The following ZNF672 variants were observed in gnomAD, a reference collection of about 807,000 sequenced individuals.
ZNF672 encodes the protein hypothetical protein FLJ22301.
For missense variants in ZNF672, 733 were observed against 701.1 expected (o/e 1.05, Z -0.51); for synonymous variants, 358 against 305.6 (o/e 1.17, Z -1.79).
Position 248,847,219 on chromosome 1 carries a change from C to G in ZNF672, c.-56C>G. The G allele has an allele frequency of 5.8e-6, 9 of 1,562,224 alleles. No homozygotes were observed. The highest frequency in any genetic ancestry group is 1.2e-5 in the South Asian group (1 of 84,552). ...GAGAAGTAAAACTTAGCTGCAGCGTCAGGAGGTGGACCCCAGAGTGTGAGT... is the reference window on the plus strand; with the variant it reads ...GAGAAGTAAAACTTAGCTGCAGCGTGAGGAGGTGGACCCCAGAGTGTGAGT... On this transcript the variant is annotated 5_prime_UTR_variant, in exon 4 of 4. Transcript: ENST00000306562.
Position 248,847,326 on chromosome 1 carries a change from G to C in ZNF672, c.52G>C (p.Glu18Gln). 6.2e-7 allele frequency: 1 copy of C among 1,610,968 alleles called. No homozygotes were observed. Among genetic ancestry groups the C allele is most frequent in the Non-Finnish European group, 8.5e-7 (1 of 1,177,354 alleles). Residue 18 changes from glutamate to glutamine, a missense_variant, in exon 4 of 4, where the codon GAA (glutamate) becomes CAA (glutamine). Glu to Gln is a conservative substitution (Grantham distance 29). Coordinates refer to ENST00000306562, the MANE Select transcript of ZNF672 (RefSeq NM_024836.3). ...VAAGKPYSCS[E>Q]CGKSFCYSSV... ...AGCGGGGAAGCCTTACTCGTGCAGC[G>C]AATGTGGCAAGAGCTTCTGCTACAG...
At chr1:248,841,315 A>G (rs1366512669) in intron 1 of ZNF672, among the ~76,000 whole-genome samples, 1 of 152,164 alleles carries the variant, frequency 6.6e-6, no homozygotes, top group Admixed American at 6.5e-5. Flanking sequence ...GGTGTGAAAG[A>G]CCTTATAGTC....
chr1:248,841,525 G>C lies in ZNF672; in HGVS notation c.-474-2958G>C, dbSNP rs12758040. On this transcript the variant is annotated intron_variant, in intron 1 of 3. Transcript: ENST00000306562. The stretch of plus-strand genomic sequence containing the variant: ...CTGTTGCCTGTGTCTCAAAAGGACA[G>C]GGCAAGCTCCCACTATGTATGTTCT... 9.4e-3 allele frequency among the ~76,000 whole-genome samples: 1,430 copies of C among 152,232 alleles called. 18 individuals carry two copies. The highest frequency in any genetic ancestry group is 0.016 in the Non-Finnish European group (1,108 of 68,022).
intron 1 of ZNF672, among the ~76,000 whole-genome samples, chr1:248,844,236 A>T (rs1334611721): frequency 6.6e-6 from 1 of 151,990 alleles, no homozygotes; most frequent in Non-Finnish European, 1.5e-5. Context: ...TTTTTTAGTT[A>T]TATGTATAGT....
rs1659281115 is a variant in ZNF672 at position 248,849,043 on chromosome 1, T to C, written c.*410T>C. On this transcript the variant is annotated 3_prime_UTR_variant, in exon 4 of 4. Coordinates refer to ENST00000306562, the MANE Select transcript of ZNF672 (RefSeq NM_024836.3). Reference sequence around the variant, plus strand: ...ACATCTTCTCCTTTCCTGATTACTTTTGTTGTCCTGCCTCTTCAGGTAATG... The same window carrying C: ...ACATCTTCTCCTTTCCTGATTACTTCTGTTGTCCTGCCTCTTCAGGTAATG... The C allele has an allele frequency of 2.0e-6, 1 of 492,496 alleles. No homozygotes were observed. The highest frequency in any genetic ancestry group is 4.1e-6 in the Non-Finnish European group (1 of 241,470). 30.5% of individuals were successfully genotyped at this position (492,496 alleles called of 1,614,324 possible). A position where few individuals can be genotyped will look rare whatever the true frequency, so the allele number is the denominator to read the frequency against.
chr1:248,840,894 G>A (rs1664665360), intron 1 of ZNF672, among the ~76,000 whole-genome samples: 2 of 151,966 alleles, frequency 1.3e-5, no homozygotes, highest in Admixed American at 1.3e-4. Flanking sequence ...AGTGGGTAGT[G>A]CTGTGGAGGA....
chr1:248,847,537 A>C lies in ZNF672; in HGVS notation c.263A>C (p.His88Pro), dbSNP rs1228481868. Reference protein sequence around the residue: ...SFRHSGRLDLHLGAHRQRCRT... With the variant: ...SFRHSGRLDLPLGAHRQRCRT... ...CGCCACAGCGGCCGTCTTGACCTAC[A>C]CTTGGGCGCACACCGGCAGCGATGC... is the stretch of plus-strand genomic sequence containing the variant. Residue 88 changes from histidine (H) to proline (P), a missense_variant, in exon 4 of 4, where the codon CAC becomes CCC. By Grantham distance (77) the His-to-Pro change is moderately conservative (BLOSUM62 -2). Transcript: ENST00000306562. 2.5e-6 allele frequency: 4 copies of C among 1,593,206 alleles called. No homozygotes were observed. The highest frequency in any genetic ancestry group is 3.4e-6 in the Non-Finnish European group (4 of 1,171,384).
chr1:248,841,293 A>C (rs1363140322), intron 1 of ZNF672, among the ~76,000 whole-genome samples: 1 of 152,246 alleles, frequency 6.6e-6, no homozygotes, highest in East Asian at 1.9e-4. Flanking sequence ...AGTCCTTGCT[A>C]GGCCCAGGGA....
intron 1 of ZNF672, among the ~76,000 whole-genome samples, chr1:248,843,512 C>T (rs556030701): frequency 6.6e-6 from 1 of 152,284 alleles, no homozygotes; most frequent in South Asian, 2.1e-4. Context: ...GAAGGTCAGA[C>T]AGGGTCAGTG....
At position 248,840,759 on chromosome 1, in the gene ZNF672, A is replaced by G. The variant is rs1664662429; in HGVS notation, c.-475+2208A>G. Among the ~76,000 whole-genome samples, 3 of 151,676 alleles carry G rather than the reference A, an allele frequency of 2.0e-5. No homozygotes were observed. The South Asian group carries it at 6.2e-4, about 32-fold the overall frequency. On this transcript the variant is annotated intron_variant, in intron 1 of 3. Coordinates refer to ENST00000306562, the MANE Select transcript of ZNF672 (RefSeq NM_024836.3). ...CATGGAGGGTACGATGACTGTAGTCATAGTATTTGTATGTGCAGTGGGCAG... is the reference window on the plus strand; with the variant it reads ...CATGGAGGGTACGATGACTGTAGTCGTAGTATTTGTATGTGCAGTGGGCAG...
rs1182968159 is a variant in ZNF672, at chr1:248,841,136, C to CA, written c.-475+2586dup. 2.6e-5 allele frequency among the ~76,000 whole-genome samples: 4 copies of CA among 151,000 alleles called. No individual in the cohort carries two copies. In the South Asian group the frequency reaches 6.3e-4, roughly 24 times the overall value. On this transcript the variant is annotated intron_variant, in intron 1 of 3. Transcript: ENST00000306562. The stretch of plus-strand genomic sequence containing the variant: ...CTGTGGAGGGTACGATGACTGTAGT[C>CA]AGAGTATTTGTATGCAGTGGGTAGT...
At chr1:248,841,866 C>G (rs567807329) in intron 1 of ZNF672, among the ~76,000 whole-genome samples, 1 of 151,338 alleles carries the variant, frequency 6.6e-6, no homozygotes, top group East Asian at 2.0e-4. Flanking sequence ...TGCAGTGAGC[C>G]GAGATCACAC....
rs898540942 is a variant in ZNF672, at chr1:248,847,957, A to C, written c.683A>C (p.Lys228Thr). The C allele has an allele frequency of 1.3e-6, 2 of 1,565,192 alleles. No individual in the cohort carries two copies. Among genetic ancestry groups the C allele is most frequent in the African/African-American group, 2.7e-5 (2 of 73,764 alleles). The change falls in exon 4 of 4, where the codon AAG (lysine) becomes ACG (threonine). Residue 228 changes from lysine (K) to threonine (T), a missense_variant. Transcript: ENST00000306562. The part of the protein sequence containing the change: ...LQTHSGEKPF[K>T]CPECGKGFLE... ...ACGCACTCGGGGGAGAAACCCTTCA[A>C]GTGCCCGGAGTGCGGCAAGGGCTTC...
At chr1:248,845,897 AGAGAAGTC>A (rs536568093) in intron 3 of ZNF672, among the ~76,000 whole-genome samples, 337 of 152,294 alleles carry the variant, frequency 2.2e-3, no homozygotes, top group African/African-American at 7.7e-3. Flanking sequence ...GTGGCCCCTG[AGAGAAGTC>A]GTCAGTGCTG....
intron 2 of ZNF672, among the ~76,000 whole-genome samples, chr1:248,844,908 C>A (rs917921552): frequency 6.6e-6 from 1 of 152,230 alleles, no homozygotes; most frequent in Non-Finnish European, 1.5e-5. Context: ...TGACATCTAA[C>A]TAGAATCAGC....
At position 248,848,192 on chromosome 1, in the gene ZNF672, G is replaced by T; in HGVS notation, c.918G>T (p.Thr306=). 1 of 1,600,382 alleles carries T rather than the reference G, an allele frequency of 6.2e-7. No individual in the cohort carries two copies. The highest frequency in any genetic ancestry group is 2.2e-5 in the East Asian group (1 of 44,520). ...SDLVVHQRIH[T]GEKPFACPEC... is the part of the protein sequence containing the mutation. ...TGGTGGTGCACCAGCGCATCCACAC[G>T]GGCGAGAAGCCCTTCGCGTGCCCCG... The change falls in exon 4 of 4, where the codon ACG becomes ACT. Residue 306 remains threonine (T), a synonymous_variant. Transcript: ENST00000306562.
At chr1:248,840,617 G>A (rs1009033021) in intron 1 of ZNF672, among the ~76,000 whole-genome samples, 11 of 152,326 alleles carry the variant, frequency 7.2e-5, no homozygotes, top group African/African-American at 2.6e-4. Flanking sequence ...TATGTGCAGT[G>A]GATAGTGCTG....
In ZNF672 at chr1:248,848,689, T is replaced by C; in HGVS notation, c.*56T>C. On this transcript the variant is annotated 3_prime_UTR_variant, in exon 4 of 4. Transcript: ENST00000306562. ...GGTGGTTGGGCAAGCACCTATATAG[T>C]ATCACGGGGACAGTTGAGGCAACTC... 6.6e-7 allele frequency: 1 copy of C among 1,513,792 alleles called. No individual in the cohort carries two copies. The highest frequency in any genetic ancestry group is 8.8e-7 in the Non-Finnish European group (1 of 1,134,208). The allele number at this position is 1,513,792 out of a possible 1,614,324, so 93.8% of individuals were successfully genotyped here.
chr1:248,848,579 C>T lies in ZNF672; in HGVS notation c.1305C>T (p.Ala435=). 6.3e-7 allele frequency: 1 copy of T among 1,593,938 alleles called. No individual in the cohort carries two copies. The highest frequency in any genetic ancestry group is 8.6e-7 in the Non-Finnish European group (1 of 1,166,942). ...AVAIQSAVGT[A]LVFEGPAEQE... is the part of the protein sequence containing the mutation. ...CCATCCAGTCCGCAGTGGGCACTGC[C>T]CTCGTCTTTGAGGGGCCGGCTGAAC... The change falls in exon 4 of 4, where the codon GCC becomes GCT. Residue 435 remains alanine, a synonymous_variant. Coordinates refer to ENST00000306562, the MANE Select transcript of ZNF672 (RefSeq NM_024836.3).
Sources: allele counts gnomAD v4.1 joint callset (sites outside exome capture counted in the v4.1 genomes callset), GRCh38; gene constraint gnomAD v4.1.1; transcripts MANE v1.5; gene names NCBI Gene and HGNC (gene_info 2026-07-23, HGNC 2026-07-21).